Variants in GRIA2 observed in about 807,000 individuals in gnomAD.
GRIA2 encodes glutamate receptor 2.
In GRIA2, 14 loss-of-function variants were observed where a neutral mutation model predicts 97.3. The observed-to-expected ratio is 0.14, with a 90% CI of 0.10 to 0.23. The LOEUF (loss-of-function observed/expected upper bound fraction) is 0.23, where lower values mean the gene tolerates loss of function less well. GRIA2 is among the 10% of genes least tolerant of loss of function. GRIA2 has a pLI of 1.00. For missense variants in GRIA2, 558 were observed against 1,069.8 expected (o/e 0.52, Z 6.67); for synonymous variants, 412 against 387.8 (o/e 1.06, Z -0.73).
chr4:157,260,331 T>C (rs1373857181), intron 2 of GRIA2, among the ~76,000 whole-genome samples: 3 of 152,112 alleles, frequency 2.0e-5, no homozygotes, highest in African/African-American at 7.2e-5. Context: ...TGTGGCTTAA[T>C]CAATATAAAG....
At chr4:157,334,597 A>G (rs1735201454) in intron 9 of GRIA2, 1 of 153,158 alleles carries the variant, frequency 6.5e-6, no homozygotes. Flanking sequence ...CATAGCTAGT[A>G]CACAAAAAAT....
intron 10 of GRIA2, 62 bp downstream of exon 10, chr4:157,335,939 T>C: frequency 9.6e-7 from 1 of 1,040,280 alleles, no homozygotes; most frequent in Non-Finnish European, 1.5e-6. Flanking sequence ...ACAGACTGCT[T>C]CCTCTCCCTG....
At chr4:157,227,090 T>C (rs1729782280) in intron 2 of GRIA2, among the ~76,000 whole-genome samples, 1 of 152,164 alleles carries the variant, frequency 6.6e-6, no homozygotes, top group African/African-American at 2.4e-5. Context: ...AGAAACTAAG[T>C]ATTGAAATAA....
At chr4:157,355,968 TTA>T (rs1491066811) in intron 12 of GRIA2, among the ~76,000 whole-genome samples, 3 of 49,384 alleles carry the variant, frequency 6.1e-5, no homozygotes, top group Non-Finnish European at 7.3e-5. Flanking sequence ...TTTATGTATA[TTA>T]ATATATATAT....
chr4:157,222,646 G>A (rs776334460), intron 2 of GRIA2, among the ~76,000 whole-genome samples: 1 of 152,220 alleles, frequency 6.6e-6, no homozygotes, highest in Non-Finnish European at 1.5e-5. Flanking sequence ...CCGGGGAAAA[G>A]GACTGGGAAG....
intron 3 of GRIA2, among the ~76,000 whole-genome samples, chr4:157,305,870 T>C (rs1480817003): frequency 1.3e-5 from 2 of 152,116 alleles, no homozygotes; most frequent in African/African-American, 4.8e-5. Flanking sequence ...GGATAAGCAT[T>C]ATGTTTTTCA....
chr4:157,328,431 A>C (rs1337146054), intron 6 of GRIA2, among the ~76,000 whole-genome samples: 4 of 152,080 alleles, frequency 2.6e-5, no homozygotes, highest in Non-Finnish European at 4.4e-5. Flanking sequence ...TCTGATCTCC[A>C]GGTGCCGAAA....
At chr4:157,326,932 T>G (rs1030307934) in intron 6 of GRIA2, among the ~76,000 whole-genome samples, 10 of 152,086 alleles carry the variant, frequency 6.6e-5, no homozygotes, top group Non-Finnish European at 1.5e-4. Context: ...GGAGCGCTGG[T>G]GGAGGCAGGG....
Position 157,362,653 on chromosome 4 carries a change from C to T in GRIA2, c.2407-146C>T, listed in dbSNP as rs1185162174. The T allele has an allele frequency of 1.1e-5, 8 of 717,572 alleles. No homozygotes were observed. In the South Asian group the frequency reaches 1.3e-4, roughly 11 times the overall value. 44.5% of individuals were successfully genotyped at this position (717,572 alleles called of 1,614,324 possible). On this transcript the variant is annotated intron_variant, in intron 14 of 15. Coordinates refer to ENST00000264426, the MANE Select transcript of GRIA2 (RefSeq NM_001083619.3). Reference sequence around the variant, plus strand: ...CATGGTAGCTGTTATGAAAATGGACCATCTAAGAGAAAATCCATTGTTTCT... The same window carrying T: ...CATGGTAGCTGTTATGAAAATGGACTATCTAAGAGAAAATCCATTGTTTCT...
chr4:157,356,709 A>C (rs1263590463), intron 12 of GRIA2, among the ~76,000 whole-genome samples: 6 of 152,154 alleles, frequency 3.9e-5, no homozygotes, highest in Admixed American at 3.9e-4. Context: ...AAATGCTATT[A>C]AGAACAGTAT....
chr4:157,332,457 T>A (rs150874952), intron 6 of GRIA2, among the ~76,000 whole-genome samples: 9 of 152,088 alleles, frequency 5.9e-5, no homozygotes, highest in Non-Finnish European at 1.2e-4. Context: ...GAAATATTAA[T>A]TGTTAGTCTT....
At chr4:157,288,434 A>C (rs1276495371) in intron 2 of GRIA2, among the ~76,000 whole-genome samples, 1 of 151,690 alleles carries the variant, frequency 6.6e-6, no homozygotes, top group Non-Finnish European at 1.5e-5. Context: ...CCATTGGAAC[A>C]TCGCTGTGGC....
chr4:157,340,372 C>T (rs1735494004), intron 11 of GRIA2, among the ~76,000 whole-genome samples: 2 of 151,830 alleles, frequency 1.3e-5, no homozygotes. Flanking sequence ...CAAAATAATA[C>T]AGTATATATC....
chr4:157,361,062 A>C lies in GRIA2; in HGVS notation c.2344A>C (p.Lys782Gln). The C allele has an allele frequency of 6.2e-7, 1 of 1,613,852 alleles. No individual in the cohort carries two copies. The highest frequency in any genetic ancestry group is 8.5e-7 in the Non-Finnish European group (1 of 1,179,746). Residue 782 changes from lysine to glutamine, a missense_variant, in exon 14 of 16, where the codon AAA (lysine) becomes CAA (glutamine). By Grantham distance (53) the Lys-to-Gln change is moderately conservative. This residue lies in a region of GRIA2 where 125 missense variants were observed against 310.2 expected (regional missense o/e 0.40). Coordinates refer to ENST00000264426, the MANE Select transcript of GRIA2 (RefSeq NM_001083619.3). The surrounding 1 kb of genome is among the most constrained non-coding windows in gnomAD (Gnocchi z 5.2). ...ACTGAATGAACAAGGCCTGTTGGAC[A>C]AATTGAAAAACAAATGGTGGTACGA... Reference protein sequence around the residue: ...LKLNEQGLLDKLKNKWWYDKG... With the variant: ...LKLNEQGLLDQLKNKWWYDKG...
At position 157,261,326 on chromosome 4, in the gene GRIA2, G is replaced by A. The variant is rs534179891; in HGVS notation, c.229+39519G>A. Among the ~76,000 whole-genome samples, 45 of 152,072 alleles carry A rather than the reference G, an allele frequency of 3.0e-4. No homozygotes were observed. The South Asian group carries it at 4.4e-3, about 15-fold the overall frequency. On this transcript the variant is annotated intron_variant, in intron 2 of 15. Transcript: ENST00000264426. ...TCTAAATCTTATTTATTTTACCTTT[G>A]CATTCAAAATGTGGGTATGCACTAA...
intron 2 of GRIA2, among the ~76,000 whole-genome samples, chr4:157,247,541 T>G (rs1730785452): frequency 6.6e-6 from 1 of 150,492 alleles, no homozygotes; most frequent in African/African-American, 2.5e-5. Flanking sequence ...ACATACGTAA[T>G]CACACAAGAG....
intron 2 of GRIA2, among the ~76,000 whole-genome samples, chr4:157,227,822 C>T (rs1394734022): frequency 6.6e-6 from 1 of 152,096 alleles, no homozygotes; most frequent in Non-Finnish European, 1.5e-5. Flanking sequence ...ATGACTGTGT[C>T]TCTTCAGTAC....
rs1244343117 is a variant in GRIA2, at chr4:157,342,291, G to C, written c.2043+829G>C. On this transcript the variant is annotated intron_variant, in intron 12 of 15. Coordinates refer to ENST00000264426, the MANE Select transcript of GRIA2 (RefSeq NM_001083619.3). ...GAATTAGGATTAGGACCTTCAAATGGCCATCAAAATTTGAAGACTATCTCA... is the reference window on the plus strand; with the variant it reads ...GAATTAGGATTAGGACCTTCAAATGCCCATCAAAATTTGAAGACTATCTCA... 3 of 981,414 alleles carry C rather than the reference G, an allele frequency of 3.1e-6. No individual in the cohort carries two copies. The African/African-American group carries it at 5.3e-5, about 17-fold the overall frequency. 60.8% of individuals were successfully genotyped at this position (981,414 alleles called of 1,614,324 possible). A position where few individuals can be genotyped will look rare whatever the true frequency, so the allele number is the denominator to read the frequency against.
At chr4:157,323,061 C>T (rs1404080943) in intron 6 of GRIA2, among the ~76,000 whole-genome samples, 1 of 151,982 alleles carries the variant, frequency 6.6e-6, no homozygotes, top group Non-Finnish European at 1.5e-5. Context: ...TGTGGCCGGG[C>T]GCAGTGGCTC....
Sources: allele counts gnomAD v4.1 joint callset (sites outside exome capture counted in the v4.1 genomes callset), GRCh38; gene constraint gnomAD v4.1.1; regional missense constraint gnomAD v4.1.1; non-coding constraint Gnocchi (gnomAD v3.1); transcripts MANE v1.5; gene names NCBI Gene and HGNC (gene_info 2026-07-23, HGNC 2026-07-21).